ATP2B4: variants seen among roughly 807,000 people sequenced by gnomAD.
The protein encoded by ATP2B4 is ATPase plasma membrane Ca2+ transporting 4.
A neutral mutation model predicts 110.3 loss-of-function variants in ATP2B4; 39 were observed. The observed-to-expected ratio is 0.35, with a 90% CI of 0.27 to 0.46. The LOEUF is 0.46. Ranked by LOEUF, ATP2B4 falls within the 20% of genes least tolerant of loss-of-function variation. The probability of loss-of-function intolerance (pLI) is 1.00; values close to 1 mark genes in which losing one functional copy is unlikely to be tolerated. For synonymous variants in ATP2B4, 538 were observed against 571.7 expected (o/e 0.94, Z 0.84); for missense variants, 1,135 against 1,530.9 (o/e 0.74, Z 4.32).
At chr1:203,730,979 C>A (rs185799270) in intron 20 of ATP2B4, among the ~76,000 whole-genome samples, 75 of 152,330 alleles carry the variant, frequency 4.9e-4, no homozygotes, top group African/African-American at 1.5e-3. Flanking sequence ...GCCACCTCCA[C>A]GTTGATCTTT....
chr1:203,640,182 C>T (rs1663584190), intron 1 of ATP2B4, among the ~76,000 whole-genome samples: 1 of 152,172 alleles, frequency 6.6e-6, no homozygotes, highest in Non-Finnish European at 1.5e-5. Flanking sequence ...CTATTCCCCA[C>T]TCTTCATCTC....
chr1:203,639,899 T>G (rs1663575781), intron 1 of ATP2B4, among the ~76,000 whole-genome samples: 1 of 152,202 alleles, frequency 6.6e-6, no homozygotes, highest in South Asian at 2.1e-4. Context: ...CCTCCTCCAG[T>G]CTTTACCTCT....
At chr1:203,670,992 C>T (rs1664644663) in intron 1 of ATP2B4, among the ~76,000 whole-genome samples, 1 of 152,218 alleles carries the variant, frequency 6.6e-6, no homozygotes, top group African/African-American at 2.4e-5. Flanking sequence ...CTGTTTTTAA[C>T]ACTGCCCTAA....
At chr1:203,653,985 A>ATATT (rs1426863910) in intron 1 of ATP2B4, among the ~76,000 whole-genome samples, 10 of 112,432 alleles carry the variant, frequency 8.9e-5, no homozygotes, top group African/African-American at 3.9e-4. Flanking sequence ...ATATATATAT[A>ATATT]TTTTTTTTTT....
At chr1:203,736,690 T>C (rs1666886837) in intron 20 of ATP2B4, among the ~76,000 whole-genome samples, 1 of 152,190 alleles carries the variant, frequency 6.6e-6, no homozygotes, top group Admixed American at 6.5e-5. Flanking sequence ...AAGGGTTGAC[T>C]GGCTGTGTGG....
chr1:203,720,440 T>G, intron 15 of ATP2B4, 109 bp from the exon 16 acceptor site: 1 of 1,047,768 alleles, frequency 9.5e-7, no homozygotes, highest in Non-Finnish European at 1.3e-6. Context: ...TTTGTGTGAC[T>G]AGTGTGCCCT....
chr1:203,683,411 T>C lies in ATP2B4; in HGVS notation c.193+13T>C. On this transcript the variant is annotated intron_variant, in intron 2 of 20. Coordinates refer to ENST00000357681, the MANE Select transcript of ATP2B4 (RefSeq NM_001684.5). ...TCCCCTGTGGAAGGTAAAGGCCATA[T>C]CAGGGGTGGGGAGTTGGAGGAAGGT... is the stretch of plus-strand genomic sequence containing the variant. 6.3e-7 allele frequency: 1 copy of C among 1,590,066 alleles called. No individual in the cohort carries two copies. The highest frequency in any genetic ancestry group is 8.6e-7 in the Non-Finnish European group (1 of 1,164,760).
chr1:203,731,195 C>G (rs1029774393), intron 20 of ATP2B4, among the ~76,000 whole-genome samples: 1 of 152,176 alleles, frequency 6.6e-6, no homozygotes, highest in Non-Finnish European at 1.5e-5. Context: ...TCCCAGGGAA[C>G]TAAAACTGAA....
chr1:203,638,500 C>T (rs961281196), intron 1 of ATP2B4, among the ~76,000 whole-genome samples: 1 of 152,188 alleles, frequency 6.6e-6, no homozygotes, highest in Non-Finnish European at 1.5e-5. Flanking sequence ...CAGGGGAGGA[C>T]GGTCACCAGG....
chr1:203,711,317 G>A (rs902058863), intron 12 of ATP2B4, among the ~76,000 whole-genome samples: 1 of 152,154 alleles, frequency 6.6e-6, no homozygotes, highest in Admixed American at 6.5e-5. Flanking sequence ...GAGAAGCAAA[G>A]GGCTTATTGG....
intron 1 of ATP2B4, among the ~76,000 whole-genome samples, chr1:203,665,319 G>A (rs1205840722): frequency 6.6e-6 from 1 of 152,220 alleles, no homozygotes; most frequent in East Asian, 1.9e-4. Context: ...CTTAGTGGGA[G>A]GCCCACGCTG....
At chr1:203,670,476 G>A (rs1664628405) in intron 1 of ATP2B4, among the ~76,000 whole-genome samples, 1 of 152,204 alleles carries the variant, frequency 6.6e-6, no homozygotes, top group Admixed American at 6.5e-5. Context: ...ACTGCGCCCG[G>A]CCGAGTTCAT....
In ATP2B4 at chr1:203,740,100, C is replaced by G; in HGVS notation, c.*246C>G. 1 of 483,872 alleles carries G rather than the reference C, an allele frequency of 2.1e-6. No individual in the cohort carries two copies. Among genetic ancestry groups the G allele is most frequent in the Non-Finnish European group, 3.6e-6 (1 of 274,042 alleles). 30.0% of individuals were successfully genotyped at this position (483,872 alleles called of 1,614,324 possible). A position where few individuals can be genotyped will look rare whatever the true frequency, so the allele number is the denominator to read the frequency against. On this transcript the variant is annotated 3_prime_UTR_variant, in exon 21 of 21. Transcript: ENST00000357681. ...CCCATTCAGGTCATGGTAGAATCTACTCCTTGGTAGTCACTTGTCATTTTT... is the reference window on the plus strand; with the variant it reads ...CCCATTCAGGTCATGGTAGAATCTAGTCCTTGGTAGTCACTTGTCATTTTT...
chr1:203,685,631 A>G (rs900523779), intron 2 of ATP2B4, among the ~76,000 whole-genome samples: 15 of 152,168 alleles, frequency 9.9e-5, no homozygotes, highest in Admixed American at 7.2e-4. Context: ...GAGCTTCCCT[A>G]CCTGTTTTCT....
intron 1 of ATP2B4, among the ~76,000 whole-genome samples, chr1:203,634,880 G>A (rs1335797987): frequency 6.6e-6 from 1 of 152,006 alleles, no homozygotes; most frequent in Non-Finnish European, 1.5e-5. Context: ...TCCAGATTGG[G>A]CTCGAAATCC....
intron 11 of ATP2B4, among the ~76,000 whole-genome samples, chr1:203,709,858 A>ACCTGGACGAT (rs1320365061): frequency 6.6e-6 from 1 of 152,220 alleles, no homozygotes; most frequent in Non-Finnish European, 1.5e-5. Flanking sequence ...CAGGATTCAG[A>ACCTGGACGAT]CCTGGACGAT....
chr1:203,707,283 T>C (rs1665877429), intron 9 of ATP2B4, 60 bp downstream of exon 9: 3 of 1,477,778 alleles, frequency 2.0e-6, no homozygotes, highest in South Asian at 1.2e-5. Flanking sequence ...AAGGGTACCA[T>C]GTAACCTTTA....
intron 2 of ATP2B4, among the ~76,000 whole-genome samples, chr1:203,695,668 C>T (rs1665511589): frequency 6.6e-6 from 1 of 152,140 alleles, no homozygotes; most frequent in African/African-American, 2.4e-5. Flanking sequence ...ACACCCCTAA[C>T]TGCATAGGTG....
chr1:203,717,002 C>A (rs1666175058), intron 15 of ATP2B4, among the ~76,000 whole-genome samples: 1 of 144,030 alleles, frequency 6.9e-6, no homozygotes, highest in African/African-American at 2.5e-5. Flanking sequence ...AGTTCAAGAC[C>A]AGCCTGGCCA....
Sources: allele counts gnomAD v4.1 joint callset (sites outside exome capture counted in the v4.1 genomes callset), GRCh38; gene constraint gnomAD v4.1.1; transcripts MANE v1.5; gene names NCBI Gene and HGNC (gene_info 2026-07-23, HGNC 2026-07-21).